The following ZEB2 variants were observed in gnomAD, a reference collection of about 807,000 sequenced individuals.
The protein encoded by ZEB2 is zinc finger E-box-binding homeobox 2.
A neutral mutation model predicts 99.9 loss-of-function variants in ZEB2; 6 were observed. The ratio of observed to expected loss-of-function variants is 0.06; its 90% CI spans 0.03 to 0.12. The LOEUF (loss-of-function observed/expected upper bound fraction) is 0.12. ZEB2 is among the 10% of genes least tolerant of loss of function. ZEB2 has a pLI of 1.00. For synonymous variants in ZEB2, 517 were observed against 542.5 expected (o/e 0.95, Z 0.65); for missense variants, 969 against 1,502.8 (o/e 0.64, Z 5.87).
intron 2 of ZEB2, among the ~76,000 whole-genome samples, chr2:144,514,793 G>T (rs932111191): frequency 6.6e-6 from 1 of 152,240 alleles, no homozygotes; most frequent in Admixed American, 6.5e-5. Context: ...CAATGGACAG[G>T]CTTGATATTA....
intron 6 of ZEB2, among the ~76,000 whole-genome samples, chr2:144,402,685 G>C (rs1485571742): frequency 6.6e-6 from 1 of 152,062 alleles, no homozygotes; most frequent in Non-Finnish European, 1.5e-5. Context: ...AATTTAAAGC[G>C]GTTATGCTAG....
intron 2 of ZEB2, among the ~76,000 whole-genome samples, chr2:144,508,577 G>A (rs930817915): frequency 4.0e-5 from 6 of 151,828 alleles, no homozygotes; most frequent in Non-Finnish European, 7.4e-5. Flanking sequence ...TTATTCTTGT[G>A]CCCAGCAAAA....
At chr2:144,466,703 C>T (rs1704277119) in intron 2 of ZEB2, among the ~76,000 whole-genome samples, 1 of 152,124 alleles carries the variant, frequency 6.6e-6, no homozygotes, top group African/African-American at 2.4e-5. Flanking sequence ...ACAATAAAAC[C>T]TCAAACGGAG....
intron 2 of ZEB2, among the ~76,000 whole-genome samples, chr2:144,469,636 T>C (rs947497563): frequency 6.6e-6 from 1 of 152,188 alleles, no homozygotes; most frequent in Non-Finnish European, 1.5e-5. Flanking sequence ...CTTTGGGCTG[T>C]TATTTATATG....
intron 9 of ZEB2, among the ~76,000 whole-genome samples, chr2:144,394,228 T>C (rs910687025): frequency 7.9e-5 from 12 of 152,214 alleles, no homozygotes; most frequent in African/African-American, 2.9e-4. Context: ...GCCTGAAGTT[T>C]ATTTTTCAAA....
chr2:144,398,362 C>T lies in ZEB2; in HGVS notation c.2825G>A (p.Gly942Glu). The change falls in exon 8 of 10, where the codon GGA becomes GAA. Residue 942 changes from glycine (G) to glutamate (E), a missense_variant. By Grantham distance (98) the Gly-to-Glu change is moderately conservative (BLOSUM62 -2). Coordinates refer to ENST00000627532, the MANE Select transcript of ZEB2 (RefSeq NM_014795.4). ...LPHMAYTYPT[G>E]AATFADMQQR... ...CTGCATATCAGCAAAAGTAGCTGCT[C>T]CAGTTGGGTAGGTGTAGGCCATATG... The T allele has an allele frequency of 6.2e-7, 1 of 1,613,930 alleles. No homozygotes were observed. The highest frequency in any genetic ancestry group is 8.5e-7 in the Non-Finnish European group (1 of 1,179,970).
At chr2:144,402,434 G>A (rs969335233) in intron 6 of ZEB2, among the ~76,000 whole-genome samples, 1 of 152,104 alleles carries the variant, frequency 6.6e-6, no homozygotes, top group African/African-American at 2.4e-5. Flanking sequence ...AGCCCAGCCC[G>A]CCGAGCGCCA....
chr2:144,432,834 AG>A, intron 2 of ZEB2, among the ~76,000 whole-genome samples: 1 of 152,298 alleles, frequency 6.6e-6, no homozygotes, highest in East Asian at 1.9e-4. Context: ...GTCTCTGCAA[AG>A]AAGAGATTCA....
chr2:144,488,954 A>T (rs984197013), intron 2 of ZEB2, among the ~76,000 whole-genome samples: 1 of 152,188 alleles, frequency 6.6e-6, no homozygotes, highest in Non-Finnish European at 1.5e-5. Flanking sequence ...ATGATTTGTA[A>T]TAAGAGGCTC....
Position 144,517,216 on chromosome 2 carries a change from C to G in ZEB2, c.73+62G>C. 28 of 1,605,268 alleles carry G rather than the reference C, an allele frequency of 1.7e-5. No homozygotes were observed. The South Asian group carries it at 3.1e-4, about 18-fold the overall frequency. On this transcript the variant is annotated intron_variant, in intron 2 of 9. Transcript: ENST00000627532. ...TCGGTTCCTTTTCCCTTTCCCCCTCCTTCTCCCTGGGTCTCGAGCCGCGTA... is the reference window on the plus strand; with the variant it reads ...TCGGTTCCTTTTCCCTTTCCCCCTCGTTCTCCCTGGGTCTCGAGCCGCGTA...
chr2:144,468,953 C>G (rs72860015), intron 2 of ZEB2, among the ~76,000 whole-genome samples: 224 of 151,930 alleles, frequency 1.5e-3, no homozygotes, highest in Non-Finnish European at 2.3e-3. Flanking sequence ...GATCATCCCT[C>G]AATTCATTCT....
intron 2 of ZEB2, among the ~76,000 whole-genome samples, chr2:144,473,422 GC>G (rs1165260881): frequency 6.6e-6 from 1 of 152,046 alleles, no homozygotes; most frequent in African/African-American, 2.4e-5. Context: ...CTTAACTGGT[GC>G]ATACCTTGAT....
At chr2:144,404,357 G>GTT (rs202082384) in intron 5 of ZEB2, among the ~76,000 whole-genome samples, 1 of 91,364 alleles carries the variant, frequency 1.1e-5, no homozygotes, top group East Asian at 3.7e-4. Context: ...ATTACTTCAG[G>GTT]TTTTTTTTTT....
At chr2:144,466,326 A>G (rs1302291644) in intron 2 of ZEB2, among the ~76,000 whole-genome samples, 1 of 152,212 alleles carries the variant, frequency 6.6e-6, no homozygotes, top group Non-Finnish European at 1.5e-5. Flanking sequence ...AAAAGCCAAT[A>G]AAAGAAAAAG....
At chr2:144,440,505 ATATATATATATTTTTTTTTTTTTTTTT>A (rs1262512325) in intron 2 of ZEB2, among the ~76,000 whole-genome samples, 3 of 15,630 alleles carry the variant, frequency 1.9e-4, no homozygotes, top group African/African-American at 4.5e-4. Flanking sequence ...ATATATATAT[ATATATATATATTTTTTTTTTTTTTTTT>A]TTTTTTTTTT....
At chr2:144,463,995 T>G (rs1488968019) in intron 2 of ZEB2, 1 of 152,150 alleles carries the variant, frequency 6.6e-6, no homozygotes. Context: ...CAGGGAAGGC[T>G]TCATGGGGAA....
At chr2:144,447,092 G>T (rs546480337) in intron 2 of ZEB2, among the ~76,000 whole-genome samples, 2 of 151,490 alleles carry the variant, frequency 1.3e-5, no homozygotes, top group East Asian at 3.9e-4. Context: ...TTAAAAAGTT[G>T]GAGCACTTTA....
At chr2:144,438,567 T>C (rs1045100908) in intron 2 of ZEB2, among the ~76,000 whole-genome samples, 1 of 152,136 alleles carries the variant, frequency 6.6e-6, no homozygotes. Context: ...CTTGATCACA[T>C]GCAAAAAATT....
intron 2 of ZEB2, chr2:144,450,441 C>T (rs2149899494): frequency 6.6e-6 from 1 of 152,216 alleles, no homozygotes; most frequent in Non-Finnish European, 1.5e-5. Context: ...AATAAATTAT[C>T]TGACTATTTT....
Sources: gnomAD v4.1 joint callset for allele counts (sites outside exome capture counted in the v4.1 genomes callset) on GRCh38, gnomAD v4.1.1 for gene constraint, MANE v1.5 for transcripts, NCBI Gene and HGNC (gene_info 2026-07-23, HGNC 2026-07-21) for gene names.